The following NUF2 variants were observed in gnomAD, a reference collection of about 807,000 sequenced individuals.
The protein encoded by NUF2 is kinetochore protein Nuf2.
Under a neutral mutation model 61.8 loss-of-function variants are expected in NUF2, and 34 were observed. That is an observed-to-expected ratio of 0.55 (90% CI 0.42 to 0.73). NUF2 has a LOEUF of 0.73. Ranked by LOEUF, NUF2 falls within the 30% of genes least tolerant of loss-of-function variation. The pLI is 0.00. For synonymous variants in NUF2, 172 were observed against 181.6 expected (o/e 0.95, Z 0.42); for missense variants, 445 against 539.1 (o/e 0.83, Z 1.73).
intron 5 of NUF2, among the ~76,000 whole-genome samples, chr1:163,331,369 T>C (rs1050901369): frequency 6.6e-6 from 1 of 151,966 alleles, no homozygotes; most frequent in African/African-American, 2.4e-5. Context: ...TGATTGGTTA[T>C]GATATATTTT....
chr1:163,347,687 C>G (rs1651178282), intron 11 of NUF2, 76 bp from the exon 12 acceptor site: 1 of 1,032,532 alleles, frequency 9.7e-7, no homozygotes, highest in African/African-American at 1.7e-5. Context: ...ATAGTTCATC[C>G]TAGAAAATAT....
At chr1:163,345,530 G>C in intron 10 of NUF2, 148 bp from the exon 11 acceptor site, 8 of 638,564 alleles carry the variant, frequency 1.3e-5, no homozygotes, top group Non-Finnish European at 1.9e-5. Flanking sequence ...TAATAGTGCT[G>C]TATTACTGAC....
intron 11 of NUF2, among the ~76,000 whole-genome samples, chr1:163,346,838 C>T (rs1651151829): frequency 1.3e-5 from 2 of 150,798 alleles, no homozygotes; most frequent in South Asian, 4.2e-4. Flanking sequence ...CAGAGTGAAG[C>T]CCCATCTGAA....
At chr1:163,325,227 T>C (rs190614675) in intron 1 of NUF2, among the ~76,000 whole-genome samples, 36 of 152,284 alleles carry the variant, frequency 2.4e-4, no homozygotes, top group African/African-American at 7.9e-4. Context: ...TGGATAATTC[T>C]TTGCTGTTGG....
chr1:163,347,877 G>A lies in NUF2; in HGVS notation c.1063G>A (p.Ala355Thr). 6.2e-7 allele frequency: 1 copy of A among 1,609,780 alleles called. No homozygotes were observed. The highest frequency in any genetic ancestry group is 1.1e-5 in the South Asian group (1 of 89,854). Reference protein sequence around the residue: ...MIVKKEKLATAQFKINKKHED... With the variant: ...MIVKKEKLATTQFKINKKHED... ...TGTGAAGAAGGAAAAACTTGCCACA[G>A]CACAATTCAAAATAAATAAGAAGCA... Residue 355 changes from alanine to threonine, a missense_variant, in exon 12 of 14, where the codon GCA (alanine) becomes ACA (threonine). Transcript: ENST00000271452.
At position 163,326,101 on chromosome 1, in the gene NUF2, A is replaced by G. The variant is rs1557945786; in HGVS notation, c.50A>G (p.His17Arg). 1 of 1,611,644 alleles carries G rather than the reference A, an allele frequency of 6.2e-7. No homozygotes were observed. Reference protein sequence around the residue: ...PRYNVAEIVIHIRNKILTGAD... With the variant: ...PRYNVAEIVIRIRNKILTGAD... ...TATAATGTAGCTGAGATTGTGATTC[A>G]TATTCGCAATAAGATCTTAACAGGA... The change falls in exon 2 of 14, where the codon CAT becomes CGT. Residue 17 changes from histidine (H) to arginine (R), a missense_variant. Physicochemically the swap from His to Arg is conservative, Grantham distance 29 (BLOSUM62 0). Coordinates refer to ENST00000271452, the MANE Select transcript of NUF2 (RefSeq NM_145697.3).
intron 13 of NUF2, among the ~76,000 whole-genome samples, chr1:163,352,052 T>C (rs1210835666): frequency 6.6e-6 from 1 of 152,026 alleles, no homozygotes; most frequent in Non-Finnish European, 1.5e-5. Flanking sequence ...TTCCCTTTTC[T>C]TTTTCTCTCT....
chr1:163,327,648 C>A, intron 3 of NUF2, 86 bp downstream of exon 3: 1 of 807,446 alleles, frequency 1.2e-6, no homozygotes, highest in Non-Finnish European at 2.1e-6. Flanking sequence ...ACAATGCATA[C>A]TGGCTTTTAG....
intron 10 of NUF2, among the ~76,000 whole-genome samples, chr1:163,344,296 GTC>G (rs1651046432): frequency 6.6e-6 from 1 of 151,998 alleles, no homozygotes; most frequent in African/African-American, 2.4e-5. Flanking sequence ...TGCTGTGAAT[GTC>G]TAACTGCTTG....
At chr1:163,331,870 CT>C (rs925327681) in intron 5 of NUF2, among the ~76,000 whole-genome samples, 10 of 150,724 alleles carry the variant, frequency 6.6e-5, no homozygotes, top group Non-Finnish European at 1.0e-4. Flanking sequence ...TTTGTTTATT[CT>C]TTTTTTTTCC....
At position 163,335,716 on chromosome 1, in the gene NUF2, GTAGGA is replaced by G. The variant is rs767029350; in HGVS notation, c.338-1033_338-1029del. Among the ~76,000 whole-genome samples, 12 of 151,956 alleles carry G rather than the reference GTAGGA, an allele frequency of 7.9e-5. No homozygotes were observed. In the East Asian group the frequency reaches 1.4e-3, roughly 17 times the overall value. ...TGTAAAAGTCTTTTTGTCCCTTTTT[GTAGGA>G]TTCCAATTACACATTAGTTATGCTG... On this transcript the variant is annotated intron_variant, in intron 5 of 13. Transcript: ENST00000271452.
intron 3 of NUF2, 190 bp downstream of exon 3, chr1:163,327,752 A>C (rs1176544957): frequency 1.8e-6 from 1 of 551,282 alleles, no homozygotes; most frequent in African/African-American, 1.9e-5. Context: ...AATGGTTTAT[A>C]TCCATAGATT....
In NUF2 at chr1:163,326,127, G is replaced by T. The variant is rs759096231; in HGVS notation, c.76G>T (p.Ala26Ser). The change falls in exon 2 of 14, where the codon GCT (alanine) becomes TCT (serine). Residue 26 changes from alanine (A) to serine (S), a missense_variant. Transcript: ENST00000271452. ...IHIRNKILTG[A>S]DGKNLTKNDL... ...TATTCGCAATAAGATCTTAACAGGA[G>T]CTGATGGTAAAAACCTCACCAAGAA... 5 of 1,613,064 alleles carry T rather than the reference G, an allele frequency of 3.1e-6. No individual in the cohort carries two copies. Among genetic ancestry groups the T allele is most frequent in the Non-Finnish European group, 4.2e-6 (5 of 1,179,318 alleles).
At chr1:163,328,965 C>T in intron 5 of NUF2, 58 bp downstream of exon 5, 1 of 861,754 alleles carries the variant, frequency 1.2e-6, no homozygotes, top group Non-Finnish European at 1.8e-6. Context: ...TTTCACCTTT[C>T]CATCAGTAAA....
chr1:163,346,820 C>T (rs1651151065), intron 11 of NUF2, among the ~76,000 whole-genome samples: 1 of 152,078 alleles, frequency 6.6e-6, no homozygotes, highest in African/African-American at 2.4e-5. Context: ...CACTTCCAGT[C>T]TGAGTGACAG....
intron 5 of NUF2, among the ~76,000 whole-genome samples, chr1:163,331,516 C>A (rs1393122008): frequency 6.6e-6 from 1 of 151,970 alleles, no homozygotes; most frequent in Non-Finnish European, 1.5e-5. Context: ...CAGTCTCATA[C>A]AATACATTTG....
chr1:163,343,979 T>C (rs2101684528), intron 10 of NUF2, 109 bp downstream of exon 10: 1 of 574,842 alleles, frequency 1.7e-6, no homozygotes, highest in South Asian at 6.2e-5. Context: ...ATACTTCTCT[T>C]CCTCTTAAAC....
chr1:163,340,223 G>A lies in NUF2; in HGVS notation c.607-141G>A, dbSNP rs1458768271. ...CTTAGATATTTCTTTTGGCTTAGGA[G>A]CATCATGAACAGAGAAAGTTTGAAG... On this transcript the variant is annotated intron_variant, in intron 8 of 13. Coordinates refer to ENST00000271452, the MANE Select transcript of NUF2 (RefSeq NM_145697.3). 1.9e-5 allele frequency: 12 copies of A among 622,650 alleles called. No homozygotes were observed. In the East Asian group the frequency reaches 3.2e-4, roughly 17 times the overall value. 38.6% of individuals were successfully genotyped at this position (622,650 alleles called of 1,614,324 possible).
chr1:163,343,016 T>C (rs1295042364), intron 9 of NUF2, among the ~76,000 whole-genome samples: 1 of 152,146 alleles, frequency 6.6e-6, no homozygotes, highest in Non-Finnish European at 1.5e-5. Flanking sequence ...AGAAGAAAAT[T>C]CATAGGAATT....
Sources: gnomAD v4.1 joint callset for allele counts (sites outside exome capture counted in the v4.1 genomes callset) on GRCh38, gnomAD v4.1.1 for gene constraint, MANE v1.5 for transcripts, NCBI Gene and HGNC (gene_info 2026-07-23, HGNC 2026-07-21) for gene names.